The following TASP1 variants were observed in gnomAD, a reference collection of about 807,000 sequenced individuals.
TASP1 encodes taspase 1, also known as threonine aspartase 1.
TASP1 carries 16 observed loss-of-function variants against 56.6 expected under a neutral mutation model. The ratio of observed to expected loss-of-function variants is 0.28; its 90% CI spans 0.19 to 0.43. The LOEUF (loss-of-function observed/expected upper bound fraction) is 0.43. TASP1 is among the 20% of genes least tolerant of loss of function. TASP1 has a pLI of 1.00. For missense variants in TASP1, 393 were observed against 511.6 expected (o/e 0.77, Z 2.24); for synonymous variants, 179 against 184.2 (o/e 0.97, Z 0.23).
intron 10 of TASP1, among the ~76,000 whole-genome samples, chr20:13,526,303 T>C (rs189988233): frequency 1.1e-3 from 169 of 152,292 alleles, no homozygotes; most frequent in South Asian, 2.1e-3. Flanking sequence ...CCTATCTCAC[T>C]GAACAACATA....
the TASP1 span, chr20:13,299,086 T>A: frequency 1.2e-6 from 2 of 1,613,768 alleles, no homozygotes; most frequent in Non-Finnish European, 1.7e-6. The surrounding 1 kb of genome is among the most constrained non-coding windows in gnomAD (Gnocchi z 5.8). Context: ...TTCGACCGCA[T>A]CAAGCGCAAG....
At chr20:13,154,245 C>A in the TASP1 span, 1 of 1,415,352 alleles carries the variant, frequency 7.1e-7, no homozygotes, top group Non-Finnish European at 9.6e-7. Context: ...TGAGTGAGTT[C>A]AGAATTCACT....
chr20:13,358,290 A>G, the TASP1 span, among the ~76,000 whole-genome samples: 2 of 152,228 alleles, frequency 1.3e-5, no homozygotes, highest in Non-Finnish European at 2.9e-5. Context: ...TGTTGCTCAC[A>G]CAAAGCCTGT....
chr20:13,306,123 G>A, the TASP1 span, among the ~76,000 whole-genome samples: 1 of 152,092 alleles, frequency 6.6e-6, no homozygotes, highest in Non-Finnish European at 1.5e-5. Context: ...TCATTCTTGA[G>A]GCATGTAATT....
the TASP1 span, among the ~76,000 whole-genome samples, chr20:13,218,974 A>G: frequency 6.6e-6 from 1 of 152,226 alleles, no homozygotes. Flanking sequence ...CCAAATCTCC[A>G]TTTACAAATT....
At chr20:13,120,679 G>A in the TASP1 span, among the ~76,000 whole-genome samples, 2 of 152,066 alleles carry the variant, frequency 1.3e-5, no homozygotes, top group Non-Finnish European at 2.9e-5. Flanking sequence ...TTGAAAACAA[G>A]GAGAAAAAAA....
At chr20:13,297,321 G>C in the TASP1 span, among the ~76,000 whole-genome samples, 1 of 152,118 alleles carries the variant, frequency 6.6e-6, no homozygotes, top group African/African-American at 2.4e-5. Context: ...TTCTCTATGC[G>C]GTTTCCCAGA....
intron 13 of TASP1, chr20:13,393,449 G>T: frequency 2.6e-6 from 2 of 782,774 alleles, no homozygotes; most frequent in Non-Finnish European, 4.5e-6. Context: ...ATGATATCAA[G>T]AAGGTGGTGA....
At position 13,502,879 on chromosome 20, in the gene TASP1, A is replaced by T. The variant is rs1377897379; in HGVS notation, c.875-19542T>A. On this transcript the variant is annotated intron_variant, in intron 10 of 13. Transcript: ENST00000337743. ...AAGATCCAGAATAAATGCACTGAAG[A>T]GACTAAGAAGAGGATGGGTAAGAGG... is the stretch of plus-strand genomic sequence containing the variant. Among the ~76,000 whole-genome samples the T allele has an allele frequency of 3.3e-5, 5 of 152,166 alleles. No individual in the cohort carries two copies. In the East Asian group the frequency reaches 9.6e-4, roughly 29 times the overall value.
intron 1 of TASP1, among the ~76,000 whole-genome samples, chr20:13,632,663 A>C (rs2049142609): frequency 6.6e-6 from 1 of 152,294 alleles, no homozygotes; most frequent in East Asian, 1.9e-4. Flanking sequence ...TGGGAAAGGA[A>C]CTCAACTAAA....
At chr20:13,292,593 A>G in the TASP1 span, 1 of 651,862 alleles carries the variant, frequency 1.5e-6, no homozygotes, top group South Asian at 1.9e-5. Context: ...TGCTCCCAGC[A>G]TGTGTCTTGC....
At chr20:13,310,932 G>A in the TASP1 span, among the ~76,000 whole-genome samples, 18 of 152,214 alleles carry the variant, frequency 1.2e-4, no homozygotes, top group African/African-American at 2.4e-4. Flanking sequence ...GGTGGCTCAC[G>A]CCTGTAATCC....
At position 13,390,368 on chromosome 20, in the gene TASP1, C is replaced by G; in HGVS notation, c.1255G>C (p.Val419Leu). The change falls in exon 14 of 14, where the codon GTG (valine) becomes CTG (leucine). Residue 419 changes from valine to leucine, a missense_variant. Val to Leu is a conservative substitution (Grantham distance 32, BLOSUM62 1). This residue lies in a region of TASP1 where 293 missense variants were observed against 354.2 expected (regional missense o/e 0.83). Transcript: ENST00000337743. ...EGGVCRLESP[V>L]N ...ACACTCAGCCTGAAGGGTCAGTTCA[C>G]TGGGCTCTCCAGGCGGCACACCCCA... 1.2e-6 allele frequency: 2 copies of G among 1,614,064 alleles called. No homozygotes were observed. The highest frequency in any genetic ancestry group is 1.7e-6 in the Non-Finnish European group (2 of 1,179,946).
chr20:13,478,958 T>C (rs2146484731), intron 11 of TASP1, among the ~76,000 whole-genome samples: 1 of 152,296 alleles, frequency 6.6e-6, no homozygotes, highest in East Asian at 1.9e-4. Context: ...TATTTGGCTA[T>C]AAAACTATAT....
intron 11 of TASP1, among the ~76,000 whole-genome samples, chr20:13,464,941 T>C (rs1211517120): frequency 6.6e-6 from 1 of 151,966 alleles, no homozygotes; most frequent in African/African-American, 2.4e-5. Flanking sequence ...GACAGGAAGA[T>C]TGCTTGAGGC....
In TASP1 at chr20:13,630,074, G is replaced by A; in HGVS notation, c.5C>T (p.Thr2Ile). 2.5e-6 allele frequency: 4 copies of A among 1,611,768 alleles called. No individual in the cohort carries two copies. The highest frequency in any genetic ancestry group is 3.4e-6 in the Non-Finnish European group (4 of 1,179,362). M[T>I]MEKGMSSGEG... ...TCCAGAACTCATCCCCTTCTCCATG[G>A]TCATTCTCCAAGATTACCATCTTCT... is the stretch of plus-strand genomic sequence containing the variant. The change falls in exon 2 of 14, where the codon ACC becomes ATC. Residue 2 changes from threonine to isoleucine, a missense_variant. Transcript: ENST00000337743.
At chr20:13,254,310 A>G in the TASP1 span, among the ~76,000 whole-genome samples, 44 of 152,042 alleles carry the variant, frequency 2.9e-4, no homozygotes, top group African/African-American at 1.0e-3. Flanking sequence ...ATAACCATAT[A>G]CATATACTTT....
chr20:13,572,628 G>C (rs1468624889), intron 6 of TASP1, among the ~76,000 whole-genome samples: 4 of 142,516 alleles, frequency 2.8e-5, no homozygotes, highest in African/African-American at 1.0e-4. Context: ...GGAGGTTGCA[G>C]TGAGCCAAGA....
the TASP1 span, among the ~76,000 whole-genome samples, chr20:13,349,641 A>T: frequency 6.6e-6 from 1 of 152,218 alleles, no homozygotes; most frequent in Admixed American, 6.5e-5. Flanking sequence ...GTAGATTGTT[A>T]CCAAAATCCT....
Sources: gnomAD v4.1 joint callset for allele counts (sites outside exome capture counted in the v4.1 genomes callset) on GRCh38, gnomAD v4.1.1 for gene constraint, gnomAD v4.1.1 regional missense constraint, Gnocchi (gnomAD v3.1) non-coding constraint, MANE v1.5 for transcripts, NCBI Gene and HGNC (gene_info 2026-07-23, HGNC 2026-07-21) for gene names.